NAALADL2: variants seen among roughly 807,000 people sequenced by gnomAD.
NAALADL2 encodes the protein N-acetylated alpha-linked acidic dipeptidase like 2, also known as inactive N-acetylated-alpha-linked acidic dipeptidase-like protein 2.
A neutral mutation model predicts 87.2 loss-of-function variants in NAALADL2; 76 were observed. The observed-to-expected ratio is 0.87, with a 90% CI of 0.72 to 1.05. The LOEUF is 1.05. NAALADL2 is among the 50% of genes least tolerant of loss of function. NAALADL2 has a pLI of 0.00. For synonymous variants in NAALADL2, 354 were observed against 331.0 expected, an observed-to-expected ratio of 1.07 and a Z score of -0.75; for missense variants, 1,089 against 945.8, an observed-to-expected ratio of 1.15 and a Z score of -1.99.
At chr3:174,795,008 T>TTTTTG (rs869274402) in intron 3 of NAALADL2, among the ~76,000 whole-genome samples, 1 of 140,048 alleles carries the variant, frequency 7.1e-6, no homozygotes, top group Non-Finnish European at 1.5e-5. Context: ...TTTTTTTTTT[T>TTTTTG]GAGACAGAGT....
At chr3:175,202,700 G>T (rs1327288039) in intron 2 of NAALADL2, among the ~76,000 whole-genome samples, 1 of 152,070 alleles carries the variant, frequency 6.6e-6, no homozygotes, top group Non-Finnish European at 1.5e-5. Context: ...TATGCCCTTT[G>T]CCTTCAGCTA....
At chr3:175,186,485 T>G (rs879716527) in intron 2 of NAALADL2, among the ~76,000 whole-genome samples, 1 of 152,158 alleles carries the variant, frequency 6.6e-6, no homozygotes, top group Non-Finnish European at 1.5e-5. Flanking sequence ...CCCTCTTTTG[T>G]TTAAATCATT....
chr3:174,645,460 T>G (rs1198491172), intron 2 of NAALADL2, among the ~76,000 whole-genome samples: 1 of 152,166 alleles, frequency 6.6e-6, no homozygotes, highest in Non-Finnish European at 1.5e-5. Context: ...AGTTGTATAT[T>G]AAAGTGTACT....
At position 174,793,633 on chromosome 3, in the gene NAALADL2, T is replaced by C. The variant is rs75450188; in HGVS notation, c.-9+55887T>C. Among the ~76,000 whole-genome samples the C allele has an allele frequency of 2.4e-4, 37 of 152,192 alleles. 1 individual carries two copies. In the East Asian group the frequency reaches 6.8e-3, roughly 28 times the overall value. ...TGTCATCAGAAGTATAGATAGCCCT[T>C]CCCCTCAATAACAAAACAAAACAGG... On this transcript the variant is annotated intron_variant, in intron 3 of 3. Transcript: ENST00000434257.
chr3:175,147,272 A>G (rs893615649), intron 2 of NAALADL2, among the ~76,000 whole-genome samples: 8 of 151,966 alleles, frequency 5.3e-5, no homozygotes, highest in Admixed American at 1.3e-4. Context: ...CCCAGTGTCT[A>G]TTGTTGCCAT....
chr3:174,843,862 T>A (rs1724293362), intron 3 of NAALADL2, among the ~76,000 whole-genome samples: 1 of 151,866 alleles, frequency 6.6e-6, no homozygotes, highest in South Asian at 2.1e-4. Context: ...TTTGCTGATT[T>A]AAAAAAAAAT....
chr3:175,090,027 A>C (rs934834793), intron 1 of NAALADL2, among the ~76,000 whole-genome samples: 1 of 152,122 alleles, frequency 6.6e-6, no homozygotes, highest in Non-Finnish European at 1.5e-5. Context: ...AGTGTAAGCC[A>C]CTTCCTACAC....
chr3:175,721,660 C>A (rs1742251298), intron 11 of NAALADL2, among the ~76,000 whole-genome samples: 1 of 151,962 alleles, frequency 6.6e-6, no homozygotes, highest in Non-Finnish European at 1.5e-5. Context: ...ACTGATCGAG[C>A]TATAGGAAGA....
chr3:175,479,881 G>T (rs1338416506), intron 9 of NAALADL2, among the ~76,000 whole-genome samples: 2 of 151,542 alleles, frequency 1.3e-5, no homozygotes, highest in Non-Finnish European at 3.0e-5. Context: ...TTCTCCTAAG[G>T]GCCATGGATA....
At chr3:175,307,682 G>T (rs1258096715) in intron 4 of NAALADL2, among the ~76,000 whole-genome samples, 2 of 152,130 alleles carry the variant, frequency 1.3e-5, no homozygotes, top group African/African-American at 2.4e-5. Context: ...GGGAATTGCA[G>T]TTCAATTTCA....
chr3:175,614,557 G>C (rs1725089060), intron 10 of NAALADL2, among the ~76,000 whole-genome samples: 1 of 152,138 alleles, frequency 6.6e-6, no homozygotes, highest in Admixed American at 6.5e-5. Flanking sequence ...CTGCCTATCA[G>C]AAAATCTGTA....
intron 11 of NAALADL2, among the ~76,000 whole-genome samples, chr3:175,667,076 A>C (rs1733104763): frequency 6.6e-6 from 1 of 150,960 alleles, no homozygotes; most frequent in African/African-American, 2.4e-5. Context: ...TGAAACTTAA[A>C]TCTGTGCTGG....
chr3:174,826,399 T>A (rs1195758664), intron 3 of NAALADL2, among the ~76,000 whole-genome samples: 1 of 152,226 alleles, frequency 6.6e-6, no homozygotes, highest in African/African-American at 2.4e-5. Flanking sequence ...GTGTATCATC[T>A]GTAAAATGGG....
At chr3:175,567,297 G>A (rs1717302531) in intron 9 of NAALADL2, among the ~76,000 whole-genome samples, 1 of 152,158 alleles carries the variant, frequency 6.6e-6, no homozygotes, top group South Asian at 2.1e-4. Flanking sequence ...AGGAAATGAA[G>A]GTCGGTTGTT....
intron 1 of NAALADL2, among the ~76,000 whole-genome samples, chr3:174,486,713 G>C (rs1057058349): frequency 6.6e-6 from 1 of 151,794 alleles, no homozygotes; most frequent in Non-Finnish European, 1.5e-5. Context: ...TTACATGCTG[G>C]GTAAGAAATT....
chr3:174,820,099 T>C (rs1721257448), intron 3 of NAALADL2, among the ~76,000 whole-genome samples: 2 of 152,150 alleles, frequency 1.3e-5, no homozygotes, highest in African/African-American at 4.8e-5. Flanking sequence ...TTTACAGTTG[T>C]TTTTACTCAG....
intron 11 of NAALADL2, among the ~76,000 whole-genome samples, chr3:175,728,358 T>G (rs1370851505): frequency 6.6e-6 from 1 of 152,190 alleles, no homozygotes; most frequent in African/African-American, 2.4e-5. Context: ...ACATGTATTT[T>G]GTGCACTAAT....
At chr3:175,664,356 G>A (rs1227468383) in intron 11 of NAALADL2, among the ~76,000 whole-genome samples, 1 of 152,064 alleles carries the variant, frequency 6.6e-6, no homozygotes, top group East Asian at 1.9e-4. Context: ...ATTTCTTTGT[G>A]TGTTGCATGT....
intron 1 of NAALADL2, among the ~76,000 whole-genome samples, chr3:174,964,458 G>A (rs950246181): frequency 6.6e-6 from 1 of 152,028 alleles, no homozygotes; most frequent in African/African-American, 2.4e-5. Context: ...CCTGATATTG[G>A]ATAAAATCAC....
Sources: gnomAD v4.1 joint callset for allele counts (sites outside exome capture counted in the v4.1 genomes callset) on GRCh38, gnomAD v4.1.1 for gene constraint, MANE v1.5 for transcripts, NCBI Gene and HGNC (gene_info 2026-07-23, HGNC 2026-07-21) for gene names.